The following DOCK8 variants were observed in gnomAD, a reference collection of about 807,000 sequenced individuals.
The protein encoded by DOCK8 is dedicator of cytokinesis 8, also known as dedicator of cytokinesis protein 8.
A neutral mutation model predicts 245.6 loss-of-function variants in DOCK8; 141 were observed. That is an observed-to-expected ratio of 0.57 (90% confidence interval 0.50 to 0.66). The LOEUF (loss-of-function observed/expected upper bound fraction) is 0.66. DOCK8 is among the 30% of genes least tolerant of loss of function. DOCK8 has a pLI of 0.00. For missense variants in DOCK8, 2,965 were observed against 2,603.4 expected (o/e 1.14, Z -3.02); for synonymous variants, 1,168 against 970.2 (o/e 1.20, Z -3.79).
At chr9:249,654 G>T (rs2047601022) in intron 1 of DOCK8, among the ~76,000 whole-genome samples, 1 of 151,620 alleles carries the variant, frequency 6.6e-6, no homozygotes, top group Non-Finnish European at 1.5e-5. Context: ...TCGCCCTGTT[G>T]CCCAGGCTGG....
intron 1 of DOCK8, among the ~76,000 whole-genome samples, chr9:216,179 G>C (rs2046746563): frequency 6.6e-6 from 1 of 152,064 alleles, no homozygotes; most frequent in Admixed American, 6.5e-5. Flanking sequence ...TGTAAAATGA[G>C]TTTAATTATT....
At chr9:446,692 T>C in intron 44 of DOCK8, 86 bp downstream of exon 44, 2 of 1,203,196 alleles carry the variant, frequency 1.7e-6, no homozygotes, top group South Asian at 1.3e-5. Flanking sequence ...TCACAGTGGA[T>C]TGGACTGAAA....
chr9:244,920 C>A (rs565310305), intron 1 of DOCK8, among the ~76,000 whole-genome samples: 1 of 152,174 alleles, frequency 6.6e-6, no homozygotes, highest in Non-Finnish European at 1.5e-5. Context: ...GGACAGGTGC[C>A]TTTCTCCAGG....
chr9:398,329 C>G (rs1480216053), intron 25 of DOCK8, among the ~76,000 whole-genome samples: 6 of 152,262 alleles, frequency 3.9e-5, no homozygotes, highest in East Asian at 1.9e-4. Context: ...TTATCAGGTC[C>G]CCATCCATCC....
At chr9:259,790 T>G (rs1414344817) in intron 1 of DOCK8, among the ~76,000 whole-genome samples, 2 of 152,252 alleles carry the variant, frequency 1.3e-5, no homozygotes, top group Non-Finnish European at 2.9e-5. Flanking sequence ...TTCCACAAAT[T>G]GTTTGGTGGT....
chr9:376,841 T>C (rs893278492), intron 19 of DOCK8, 136 bp from the exon 20 acceptor site: 1 of 789,142 alleles, frequency 1.3e-6, no homozygotes, highest in Non-Finnish European at 2.2e-6. Flanking sequence ...GTCTGAAACA[T>C]CATGTCTTAG....
intron 22 of DOCK8, among the ~76,000 whole-genome samples, chr9:383,822 T>C (rs1413403087): frequency 1.3e-5 from 2 of 152,154 alleles, no homozygotes; most frequent in African/African-American, 2.4e-5. Context: ...CTATGAATTC[T>C]TTATTTTTTT....
chr9:305,428 T>A (rs1969949), intron 5 of DOCK8, among the ~76,000 whole-genome samples: 6 of 151,130 alleles, frequency 4.0e-5, no homozygotes, highest in Non-Finnish European at 7.4e-5. Flanking sequence ...GACTACAGGC[T>A]CCCGCCACCA....
chr9:301,471 C>G (rs1034303871), intron 4 of DOCK8, among the ~76,000 whole-genome samples: 3 of 152,192 alleles, frequency 2.0e-5, no homozygotes, highest in African/African-American at 7.2e-5. Flanking sequence ...CTTATATCAA[C>G]ATGGTACTGG....
At chr9:422,558 T>C (rs1387991552) in intron 33 of DOCK8, among the ~76,000 whole-genome samples, 1 of 152,240 alleles carries the variant, frequency 6.6e-6, no homozygotes, top group Non-Finnish European at 1.5e-5. Flanking sequence ...TTTTTTAAAA[T>C]TGAAAACATT....
chr9:453,859 A>G (rs2057542676), intron 46 of DOCK8, among the ~76,000 whole-genome samples: 1 of 152,146 alleles, frequency 6.6e-6, no homozygotes, highest in African/African-American at 2.4e-5. Context: ...TTATGGTTGA[A>G]TGCTTCCAAA....
intron 29 of DOCK8, 100 bp from the exon 30 acceptor site, chr9:417,968 G>T: frequency 6.7e-7 from 1 of 1,498,200 alleles, no homozygotes; most frequent in Non-Finnish European, 9.2e-7. Context: ...AAATTACTGT[G>T]CTGACTTTAG....
At chr9:346,297 C>G (rs2051882656) in intron 14 of DOCK8, among the ~76,000 whole-genome samples, 1 of 152,052 alleles carries the variant, frequency 6.6e-6, no homozygotes, top group African/African-American at 2.4e-5. Flanking sequence ...TCCATGTGAC[C>G]CAACAGCTGG....
chr9:214,934 CCGCA>C lies in DOCK8; in HGVS notation c.-41_-38del, dbSNP rs1304493574. ...CTGCGGCGCGCCAGGCCCCCGCTTT[CCGCA>C]CCCCGCGACCCTAGAAGCCACCGAA... is the stretch of plus-strand genomic sequence containing the variant. On this transcript the variant is annotated 5_prime_UTR_variant, in exon 1 of 48. An upstream open reading frame in the 5' UTR loses its in-frame stop. Transcript: ENST00000432829. 1 of 1,604,884 alleles carries C rather than the reference CCGCA, an allele frequency of 6.2e-7. No individual in the cohort carries two copies. Among genetic ancestry groups the C allele is most frequent in the African/African-American group, 1.4e-5 (1 of 73,640 alleles).
At chr9:252,070 T>A (rs2047663772) in intron 1 of DOCK8, among the ~76,000 whole-genome samples, 1 of 148,638 alleles carries the variant, frequency 6.7e-6, no homozygotes, top group Admixed American at 6.9e-5. Flanking sequence ...GCCACCTGGG[T>A]TCAAGTGATT....
At chr9:454,353 C>G (rs921496313) in intron 46 of DOCK8, 9 of 152,158 alleles carry the variant, frequency 5.9e-5, no homozygotes, top group African/African-American at 2.2e-4. Flanking sequence ...TGTTGTTAAT[C>G]TCTTACTCTA....
At chr9:295,813 C>G (rs1035701141) in intron 4 of DOCK8, among the ~76,000 whole-genome samples, 2 of 152,098 alleles carry the variant, frequency 1.3e-5, no homozygotes, top group South Asian at 4.1e-4. Context: ...AGAGTAATGG[C>G]CACTTGTGTT....
At chr9:280,565 T>A (rs2048535398) in intron 2 of DOCK8, among the ~76,000 whole-genome samples, 1 of 151,990 alleles carries the variant, frequency 6.6e-6, no homozygotes, top group Non-Finnish European at 1.5e-5. Context: ...AAGCCTGGAG[T>A]CTGAACTGCC....
At chr9:212,934 A>G (rs957883969), upstream of DOCK8, 1 of 152,234 alleles carries the variant, frequency 6.6e-6, no homozygotes, top group Non-Finnish European at 1.5e-5. Context: ...CGAAAGGCTG[A>G]CATGGTACAC....
Sources: gnomAD v4.1 joint callset for allele counts (sites outside exome capture counted in the v4.1 genomes callset) on GRCh38, gnomAD v4.1.1 for gene constraint, MANE v1.5 for transcripts, NCBI Gene and HGNC (gene_info 2026-07-23, HGNC 2026-07-21) for gene names.